GALNTL6: variants seen among roughly 807,000 people sequenced by gnomAD.
GALNTL6 encodes the protein polypeptide N-acetylgalactosaminyltransferase-like 6.
A neutral mutation model predicts 73.7 loss-of-function variants in GALNTL6; 46 were observed. The ratio of observed to expected loss-of-function variants is 0.62; its 90% CI spans 0.49 to 0.80. The LOEUF (loss-of-function observed/expected upper bound fraction) is 0.80. Among genes scored for constraint, GALNTL6 ranks in the 30% least tolerant of loss-of-function variants. The probability of loss-of-function intolerance (pLI) is 0.00; values close to 1 mark genes in which losing one functional copy is unlikely to be tolerated. For synonymous variants in GALNTL6, 259 were observed against 263.7 expected, an observed-to-expected ratio of 0.98 and a Z score of 0.17; for missense variants, 604 against 755.0, an observed-to-expected ratio of 0.80 and a Z score of 2.34.
chr4:173,013,785 T>C (rs1220669475), intron 11 of GALNTL6, among the ~76,000 whole-genome samples: 2 of 152,194 alleles, frequency 1.3e-5, no homozygotes, highest in Non-Finnish European at 2.9e-5. Context: ...AAATGCATCA[T>C]GTTTGAAATA....
chr4:172,486,107 T>G (rs1320434259), intron 5 of GALNTL6, among the ~76,000 whole-genome samples: 1 of 152,240 alleles, frequency 6.6e-6, no homozygotes, highest in Non-Finnish European at 1.5e-5. Context: ...CTGGAGATTT[T>G]AGTCTAATAG....
chr4:172,094,462 T>G (rs892515218), intron 2 of GALNTL6, among the ~76,000 whole-genome samples: 8 of 152,090 alleles, frequency 5.3e-5, no homozygotes, highest in African/African-American at 1.7e-4. Flanking sequence ...AAAACTTATC[T>G]TATTAAAAGT....
intron 10 of GALNTL6, among the ~76,000 whole-genome samples, chr4:172,971,696 A>G (rs1750592209): frequency 6.6e-6 from 1 of 152,234 alleles, no homozygotes; most frequent in East Asian, 1.9e-4. Context: ...ATTAATTTAA[A>G]AAGAGAAGCT....
In GALNTL6 at chr4:172,835,124, C is replaced by T. The variant is rs959091881; in HGVS notation, c.923+21401C>T. Among the ~76,000 whole-genome samples, 117 of 152,334 alleles carry T rather than the reference C, an allele frequency of 7.7e-4. 1 individual carries two copies. Among genetic ancestry groups the T allele is most frequent in the African/African-American group, 2.7e-3 (114 of 41,580 alleles). On this transcript the variant is annotated intron_variant, in intron 7 of 12. Coordinates refer to ENST00000506823, the MANE Select transcript of GALNTL6 (RefSeq NM_001034845.3). Reference sequence around the variant, plus strand: ...CACAGAGCAGGTTCCAGCTTCTGCCCTACCAAGGTCGCACAGGTCAATAAA... The same window carrying T: ...CACAGAGCAGGTTCCAGCTTCTGCCTTACCAAGGTCGCACAGGTCAATAAA...
chr4:172,087,459 CAAAA>C (rs534725448), intron 2 of GALNTL6, among the ~76,000 whole-genome samples: 1,913 of 134,204 alleles, frequency 0.014, 52 homozygotes, highest in African/African-American at 0.05. Flanking sequence ...AAAAAAAAAA[CAAAA>C]AAAACAAAAA....
chr4:171,996,725 A>G (rs1740500817), intron 2 of GALNTL6, among the ~76,000 whole-genome samples: 1 of 15,258 alleles, frequency 6.6e-5, no homozygotes, highest in Admixed American at 1.7e-3. Context: ...CTGACGAGCA[A>G]AAAAAAAAAA....
chr4:172,616,066 G>A (rs549919933), intron 5 of GALNTL6, among the ~76,000 whole-genome samples: 1 of 152,264 alleles, frequency 6.6e-6, no homozygotes, highest in South Asian at 2.1e-4. Flanking sequence ...CTTTAAATGT[G>A]AAAAGAGCTC....
Position 172,087,811 on chromosome 4 carries a change from T to A in GALNTL6, c.139-141845T>A, listed in dbSNP as rs2637998. On this transcript the variant is annotated intron_variant, in intron 2 of 12. Coordinates refer to ENST00000506823, the MANE Select transcript of GALNTL6 (RefSeq NM_001034845.3). ...TAGGGGCCAGTGAGTTTTTTTATCG[T>A]ACATCTTTTTTATATATATTTATTC... is the stretch of plus-strand genomic sequence containing the variant. Among the ~76,000 whole-genome samples, 401 of 151,988 alleles carry A rather than the reference T, an allele frequency of 2.6e-3. 2 individuals carry two copies. The highest frequency in any genetic ancestry group is 9.2e-3 in the African/African-American group (383 of 41,516).
intron 2 of GALNTL6, among the ~76,000 whole-genome samples, chr4:171,920,860 T>C (rs1488103275): frequency 2.6e-5 from 4 of 152,118 alleles, no homozygotes; most frequent in Non-Finnish European, 5.9e-5. Flanking sequence ...TATAAACATA[T>C]TACTATGGTA....
chr4:173,017,083 A>T (rs1270642489), intron 11 of GALNTL6, among the ~76,000 whole-genome samples: 1 of 152,128 alleles, frequency 6.6e-6, no homozygotes, highest in African/African-American at 2.4e-5. Context: ...ATCTTCTACC[A>T]TGATTGTAAG....
chr4:172,488,627 A>T (rs1733781577), intron 5 of GALNTL6, among the ~76,000 whole-genome samples: 1 of 152,200 alleles, frequency 6.6e-6, no homozygotes, highest in Non-Finnish European at 1.5e-5. Flanking sequence ...GTACCCACTA[A>T]AGCTAAATAG....
At chr4:172,833,232 A>C (rs1404483063) in intron 7 of GALNTL6, among the ~76,000 whole-genome samples, 5 of 152,256 alleles carry the variant, frequency 3.3e-5, no homozygotes, top group Non-Finnish European at 7.3e-5. Context: ...TCGGTAAGCC[A>C]AATTTATAAA....
chr4:172,483,457 AAG>A (rs1164758025), intron 5 of GALNTL6, among the ~76,000 whole-genome samples: 2 of 152,306 alleles, frequency 1.3e-5, no homozygotes, highest in Admixed American at 1.3e-4. Flanking sequence ...CACGTATATA[AAG>A]AGTTCAGCAT....
chr4:172,333,105 C>G (rs1363543474), intron 4 of GALNTL6, among the ~76,000 whole-genome samples: 1 of 152,124 alleles, frequency 6.6e-6, no homozygotes, highest in East Asian at 1.9e-4. Flanking sequence ...AAGTCTTCAT[C>G]TTAGAAATGT....
rs146395596 is a variant in GALNTL6 at position 171,854,650 on chromosome 4, G to T, written c.138+39932G>T. 6.3e-4 allele frequency among the ~76,000 whole-genome samples: 96 copies of T among 152,254 alleles called. No homozygotes were observed. The East Asian group carries it at 0.014, about 23-fold the overall frequency. ...AAGTTTATTTTCTATTTTTCTAGAG[G>T]CTGGGAGGTGGAAGGTCAAGGTGCT... On this transcript the variant is annotated intron_variant, in intron 2 of 12. Transcript: ENST00000506823.
chr4:172,180,056 G>T (rs560602831), intron 2 of GALNTL6, among the ~76,000 whole-genome samples: 144 of 152,146 alleles, frequency 9.5e-4, no homozygotes, highest in African/African-American at 3.3e-3. Flanking sequence ...ATTTACACTC[G>T]CACCAACAGT....
chr4:172,727,229 A>C (rs1203024200), intron 5 of GALNTL6, among the ~76,000 whole-genome samples: 1 of 152,214 alleles, frequency 6.6e-6, no homozygotes, highest in African/African-American at 2.4e-5. Flanking sequence ...TACTGTTTTA[A>C]GAAATAACGC....
At chr4:172,828,776 G>C (rs28714158) in intron 7 of GALNTL6, among the ~76,000 whole-genome samples, 1 of 152,158 alleles carries the variant, frequency 6.6e-6, no homozygotes, top group Non-Finnish European at 1.5e-5. Context: ...TAAAGTCCAC[G>C]CTGGCAATCT....
At chr4:172,368,314 G>A (rs1742645235) in intron 5 of GALNTL6, among the ~76,000 whole-genome samples, 7 of 152,164 alleles carry the variant, frequency 4.6e-5, no homozygotes, top group Admixed American at 3.9e-4. Flanking sequence ...TTGGGAGGCA[G>A]AGGTTGCAGT....
Sources: allele counts gnomAD v4.1 joint callset (sites outside exome capture counted in the v4.1 genomes callset), GRCh38; gene constraint gnomAD v4.1.1; transcripts MANE v1.5; gene names NCBI Gene and HGNC (gene_info 2026-07-23, HGNC 2026-07-21).